The following BCCIP variants were observed in gnomAD, a reference collection of about 807,000 sequenced individuals.
BCCIP encodes BRCA2 and CDKN1A-interacting protein.
BCCIP carries 23 observed loss-of-function variants against 32.8 expected under a neutral mutation model. The observed-to-expected ratio is 0.70, with a 90% CI of 0.51 to 0.99. BCCIP has a LOEUF of 0.99. BCCIP is among the 50% of genes least tolerant of loss of function. BCCIP has a pLI of 0.00. For synonymous variants in BCCIP, 144 were observed against 137.6 expected (o/e 1.05, Z -0.33); for missense variants, 378 against 379.8 (o/e 1.00, Z 0.04).
downstream of BCCIP, among the ~76,000 whole-genome samples, chr10:125,843,088 G>A (rs983286133): frequency 6.6e-6 from 1 of 151,974 alleles, no homozygotes; most frequent in Non-Finnish European, 1.5e-5. Flanking sequence ...AGCAATACAG[G>A]TCACACAATG....
rs771080932 is a variant in BCCIP at position 125,833,835 on chromosome 10, G to C, written c.663G>C (p.Leu221=). 6.8e-6 allele frequency: 11 copies of C among 1,614,172 alleles called. No individual in the cohort carries two copies. In the South Asian group the frequency reaches 1.1e-4, roughly 16 times the overall value. The change falls in exon 6 of 7, where the codon CTG becomes CTC. Residue 221 remains leucine (L), a synonymous_variant. Transcript: ENST00000278100. The part of the protein sequence containing the change: ...KPCGKCYFYL[L]ISKTFVEAGK... ...GTGGGAAGTGCTACTTTTACCTTCT[G>C]ATTAGTAAGACATTTGTGGAAGCAG...
Position 125,836,459 on chromosome 10 carries a change from T to C in BCCIP, c.*185T>C, listed in dbSNP as rs1854688009. On this transcript the variant is annotated 3_prime_UTR_variant, in exon 7 of 7. Transcript: ENST00000278100. ...TTTAAAATTTTGGTCAAATTATGAGTGGTTGATTTAAAAACTTTTCCAAGA... is the reference window on the plus strand; with the variant it reads ...TTTAAAATTTTGGTCAAATTATGAGCGGTTGATTTAAAAACTTTTCCAAGA... The C allele has an allele frequency of 7.1e-7, 1 of 1,407,902 alleles. No homozygotes were observed. Among genetic ancestry groups the C allele is most frequent in the African/African-American group, 1.4e-5 (1 of 69,056 alleles). 87.2% of individuals were successfully genotyped at this position (1,407,902 alleles called of 1,614,324 possible). A position where few individuals can be genotyped will look rare whatever the true frequency, so the allele number is the denominator to read the frequency against.
chr10:125,852,414 G>A (rs750356794), intron 7 of BCCIP: 52 of 1,614,146 alleles, frequency 3.2e-5, no homozygotes, highest in Non-Finnish European at 4.3e-5. Context: ...TCATGTCTTT[G>A]GAGGCAAATT....
downstream of BCCIP, chr10:125,836,702 T>G (rs778249535): frequency 5.0e-6 from 8 of 1,614,036 alleles, no homozygotes; most frequent in Admixed American, 3.3e-5. Context: ...GGAGAGTGCA[T>G]CTCTGTTCAG....
At chr10:125,825,248 A>C (rs545443171) in intron 1 of BCCIP, among the ~76,000 whole-genome samples, 1 of 152,244 alleles carries the variant, frequency 6.6e-6, no homozygotes, top group African/African-American at 2.4e-5. Context: ...GCCCATACCC[A>C]GGAAAAGGGT....
intron 2 of BCCIP, 116 bp downstream of exon 2, chr10:125,826,781 C>T: frequency 6.8e-7 from 1 of 1,463,016 alleles, no homozygotes; most frequent in Non-Finnish European, 9.0e-7. Flanking sequence ...GAGAGGATTG[C>T]TTGAGCCCAG....
intron 7 of BCCIP, among the ~76,000 whole-genome samples, chr10:125,849,395 G>T (rs886270572): frequency 2.0e-5 from 3 of 152,234 alleles, no homozygotes; most frequent in Admixed American, 6.5e-5. Context: ...TTCACTTTCT[G>T]TAACATTATT....
downstream of BCCIP, chr10:125,839,320 A>G (rs181929087): frequency 4.8e-5 from 42 of 869,362 alleles, no homozygotes; most frequent in East Asian, 1.1e-3. Flanking sequence ...GGTGAGTGGC[A>G]GGAAGGCAGC....
exon 7 of BCCIP, chr10:125,842,060 CAAGCCACCAAAT>C: frequency 8.2e-7 from 1 of 1,225,266 alleles, no homozygotes; most frequent in Non-Finnish European, 1.1e-6. Flanking sequence ...CAACGGTTTG[CAAGCCACCAAAT>C]ACCAGGGAGT....
chr10:125,830,033 T>C (rs1249040389), intron 3 of BCCIP, among the ~76,000 whole-genome samples: 3 of 152,142 alleles, frequency 2.0e-5, no homozygotes, highest in Non-Finnish European at 4.4e-5. Flanking sequence ...CCCTTCTCTC[T>C]TGCTAATGTG....
In BCCIP at chr10:125,823,992, C is replaced by CT. The variant is rs1456008680; in HGVS notation, c.165+273dup. Among the ~76,000 whole-genome samples the CT allele has an allele frequency of 2.6e-5, 4 of 152,262 alleles. No individual in the cohort carries two copies. In the East Asian group the frequency reaches 7.7e-4, roughly 29 times the overall value. On this transcript the variant is annotated intron_variant, in intron 1 of 6. Coordinates refer to ENST00000278100, the MANE Select transcript of BCCIP (RefSeq NM_078468.3). ...ACAACAGGTGTGTTCTTCTCGTCCT[C>CT]TTTAGTTCTCAGGCTGAAGCCTCAG...
chr10:125,830,581 A>T lies in BCCIP; in HGVS notation c.341A>T (p.Asp114Val). 1 of 1,600,630 alleles carries T rather than the reference A, an allele frequency of 6.2e-7. No individual in the cohort carries two copies. The highest frequency in any genetic ancestry group is 8.5e-7 in the Non-Finnish European group (1 of 1,173,224). The change falls in exon 4 of 7, where the codon GAC (aspartate) becomes GTC (valine). Residue 114 changes from aspartate to valine, a missense_variant. Physicochemically the swap from Asp to Val is radical, Grantham distance 152. Coordinates refer to ENST00000278100, the MANE Select transcript of BCCIP (RefSeq NM_078468.3). ...SVIKQTDVSE[D>V]SNDDMDEDEV... The stretch of plus-strand genomic sequence containing the variant: ...AAATAGCAAACGGATGTTTCAGAAG[A>T]CAGCAATGATGATATGGATGAAGAT...
chr10:125,829,511 TCAGA>T (rs1854476167), intron 3 of BCCIP, among the ~76,000 whole-genome samples: 1 of 152,248 alleles, frequency 6.6e-6, no homozygotes, highest in African/African-American at 2.4e-5. Flanking sequence ...TATTCATTCT[TCAGA>T]CACTCTTATC....
chr10:125,832,122 G>T (rs537945297), intron 5 of BCCIP, among the ~76,000 whole-genome samples: 1 of 152,156 alleles, frequency 6.6e-6, no homozygotes, highest in East Asian at 1.9e-4. Flanking sequence ...CAAACTGAGT[G>T]TACTAAGAAT....
chr10:125,848,986 A>C (rs2134039073), intron 7 of BCCIP, among the ~76,000 whole-genome samples: 1 of 152,308 alleles, frequency 6.6e-6, no homozygotes, highest in East Asian at 1.9e-4. Context: ...AGCCTGGCCC[A>C]AGAGCCTGTG....
At chr10:125,836,836 G>A (rs773108161), downstream of BCCIP, 3 of 1,614,110 alleles carry the variant, frequency 1.9e-6, no homozygotes, top group Non-Finnish European at 2.5e-6. Flanking sequence ...AAATAGTATT[G>A]TGGTACCAGC....
Position 125,827,648 on chromosome 10 carries a change from A to G in BCCIP, c.321+10A>G, listed in dbSNP as rs762483429. On this transcript the variant is annotated intron_variant, in intron 3 of 6. Coordinates refer to ENST00000278100, the MANE Select transcript of BCCIP (RefSeq NM_078468.3). Reference sequence around the variant, plus strand: ...TGGGAGTGTGATTAAGGTAAGTAGGATAATTGTGTTTATTCTGATTAAATG... The same window carrying G: ...TGGGAGTGTGATTAAGGTAAGTAGGGTAATTGTGTTTATTCTGATTAAATG... The G allele has an allele frequency of 1.3e-6, 2 of 1,578,694 alleles. No individual in the cohort carries two copies. The highest frequency in any genetic ancestry group is 1.7e-6 in the Non-Finnish European group (2 of 1,148,064).
At chr10:125,839,326 G>T, downstream of BCCIP, 1 of 829,276 alleles carries the variant, frequency 1.2e-6, no homozygotes, top group Non-Finnish European at 1.8e-6. Flanking sequence ...TGGCAGGAAG[G>T]CAGCAAGGAC....
Position 125,830,586 on chromosome 10 carries a change from AATG to A in BCCIP, c.352_354del (p.Asp118del), listed in dbSNP as rs766670330. 1.2e-6 allele frequency: 2 copies of A among 1,604,972 alleles called. No homozygotes were observed. Among genetic ancestry groups the A allele is most frequent in the Non-Finnish European group, 1.7e-6 (2 of 1,175,190 alleles). ...GCAAACGGATGTTTCAGAAGACAGC[AATG>A]ATGATATGGATGAAGATGAGGTTTT... On this transcript the variant is annotated inframe_deletion, in exon 4 of 7. Transcript: ENST00000278100.
Sources: gnomAD v4.1 joint callset for allele counts (sites outside exome capture counted in the v4.1 genomes callset) on GRCh38, gnomAD v4.1.1 for gene constraint, MANE v1.5 for transcripts, NCBI Gene and HGNC (gene_info 2026-07-23, HGNC 2026-07-21) for gene names.